Variants in SP140L observed in about 807,000 individuals in gnomAD.
SP140L encodes the protein SP140 like nuclear body protein, also known as nuclear body protein SP140-like protein.
In SP140L, 64 loss-of-function variants were observed where a neutral mutation model predicts 84.3. The ratio of observed to expected loss-of-function variants is 0.76; its 90% CI spans 0.62 to 0.94. The LOEUF (loss-of-function observed/expected upper bound fraction) is 0.94, where lower values mean the gene tolerates loss of function less well. Ranked by LOEUF, SP140L falls within the 40% of genes least tolerant of loss-of-function variation. The pLI is 0.00. For synonymous variants in SP140L, 242 were observed against 236.9 expected, an observed-to-expected ratio of 1.02 and a Z score of -0.20; for missense variants, 628 against 692.5, an observed-to-expected ratio of 0.91 and a Z score of 1.05.
intron 2 of SP140L, among the ~76,000 whole-genome samples, chr2:230,340,261 C>T: frequency 6.7e-6 from 1 of 149,438 alleles, no homozygotes. Flanking sequence ...TTCTTTGTCT[C>T]TTTTGATCTT....
chr2:230,382,274 G>A (rs758098168), intron 7 of SP140L, among the ~76,000 whole-genome samples: 4 of 151,564 alleles, frequency 2.6e-5, no homozygotes, highest in Non-Finnish European at 4.4e-5. Flanking sequence ...CATGCCTGGT[G>A]CGGAGAGGCT....
At chr2:230,333,905 C>T (rs12472663) in intron 2 of SP140L, among the ~76,000 whole-genome samples, 21,126 of 152,020 alleles carry the variant, frequency 0.14, 2,153 homozygotes, top group East Asian at 0.47. Context: ...AGTTGTTTCT[C>T]GTTTATAGCA....
intron 13 of SP140L, among the ~76,000 whole-genome samples, chr2:230,396,492 G>A (rs778703332): frequency 3.9e-5 from 6 of 152,220 alleles, no homozygotes; most frequent in Non-Finnish European, 8.8e-5. Flanking sequence ...GATTATCATG[G>A]AAAGATGCTA....
At chr2:230,392,368 G>A (rs955943073) in intron 12 of SP140L, 139 bp downstream of exon 12, 212 of 1,353,730 alleles carry the variant, frequency 1.6e-4, no homozygotes, top group Non-Finnish European at 2.0e-4. Flanking sequence ...ACTCAGGAGA[G>A]AGGGACCCCA....
intron 2 of SP140L, among the ~76,000 whole-genome samples, chr2:230,351,241 G>A (rs180960403): frequency 6.6e-6 from 1 of 152,324 alleles, no homozygotes; most frequent in African/African-American, 2.4e-5. Context: ...CACCAGCCAT[G>A]AGTGTCTGTT....
chr2:230,400,154 T>G lies in SP140L; in HGVS notation c.1225T>G (p.Cys409Gly). 1 of 1,614,180 alleles carries G rather than the reference T, an allele frequency of 6.2e-7. No individual in the cohort carries two copies. Among genetic ancestry groups the G allele is most frequent in the Admixed American group, 1.7e-5 (1 of 60,018 alleles). The change falls in exon 15 of 19, where the codon TGC (cysteine) becomes GGC (glycine). Residue 409 changes from cysteine (C) to glycine (G), a missense_variant. This residue lies in a region of SP140L where 525 missense variants were observed against 518.4 expected (regional missense o/e 1.01). Coordinates refer to ENST00000415673, the MANE Select transcript of SP140L (RefSeq NM_138402.6). The stretch of plus-strand genomic sequence containing the variant: ...GAGAAACTTGGATGAGTGTGAGGTG[T>G]GCCGGGACGGAGGGGAGCTGTTCTG... ...CMRNLDECEVCRDGGELFCCD... is the reference protein window; with the variant it reads ...CMRNLDECEVGRDGGELFCCD...
At chr2:230,381,107 G>C (rs1439611298) in intron 7 of SP140L, among the ~76,000 whole-genome samples, 2 of 149,596 alleles carry the variant, frequency 1.3e-5, no homozygotes, top group Non-Finnish European at 3.0e-5. Context: ...TGCAGTGGAG[G>C]AATGCTTCAC....
intron 5 of SP140L, among the ~76,000 whole-genome samples, chr2:230,365,629 T>G (rs1364055445): frequency 6.6e-6 from 1 of 152,036 alleles, no homozygotes; most frequent in African/African-American, 2.4e-5. Flanking sequence ...TTTATCTCAT[T>G]TATTTCTGAT....
At chr2:230,367,195 G>A (rs1330446433) in intron 5 of SP140L, among the ~76,000 whole-genome samples, 2 of 151,714 alleles carry the variant, frequency 1.3e-5, no homozygotes, top group Non-Finnish European at 2.9e-5. Context: ...GTTATAATAG[G>A]CTGTTTTAAG....
chr2:230,352,859 T>C (rs1303399408), intron 2 of SP140L, among the ~76,000 whole-genome samples: 1 of 151,854 alleles, frequency 6.6e-6, no homozygotes, highest in African/African-American at 2.4e-5. Context: ...CACACACATA[T>C]ATGTGTGTAT....
intron 7 of SP140L, among the ~76,000 whole-genome samples, chr2:230,378,793 C>A (rs980742058): frequency 6.6e-6 from 1 of 152,198 alleles, no homozygotes; most frequent in Non-Finnish European, 1.5e-5. Flanking sequence ...TCACTCCATG[C>A]ATATCTTTAT....
chr2:230,371,796 C>A, intron 7 of SP140L, 145 bp downstream of exon 7: 1 of 697,824 alleles, frequency 1.4e-6, no homozygotes, highest in Non-Finnish European at 2.5e-6. Flanking sequence ...AAAACGTCCA[C>A]CTCCTAATCC....
intron 7 of SP140L, among the ~76,000 whole-genome samples, chr2:230,376,570 T>C (rs1575505359): frequency 6.6e-6 from 1 of 151,962 alleles, no homozygotes; most frequent in Non-Finnish European, 1.5e-5. Flanking sequence ...ATGAAAGAAA[T>C]TGAAAAAGAT....
chr2:230,360,161 G>T (rs1165141982), intron 4 of SP140L, among the ~76,000 whole-genome samples: 1 of 152,148 alleles, frequency 6.6e-6, no homozygotes, highest in African/African-American at 2.4e-5. Flanking sequence ...AGAAAAACAG[G>T]GACATGCCCT....
intron 14 of SP140L, among the ~76,000 whole-genome samples, chr2:230,399,425 C>T (rs2062206797): frequency 2.6e-5 from 4 of 152,216 alleles, no homozygotes; most frequent in Admixed American, 2.0e-4. Flanking sequence ...ATCTTCAACA[C>T]TGTATGGTAC....
At chr2:230,364,219 G>T (rs886526599) in intron 5 of SP140L, among the ~76,000 whole-genome samples, 1 of 152,036 alleles carries the variant, frequency 6.6e-6, no homozygotes, top group Non-Finnish European at 1.5e-5. Context: ...ACTTTTATAT[G>T]ATTTGCGCTG....
At chr2:230,345,846 A>G (rs374183911) in intron 2 of SP140L, among the ~76,000 whole-genome samples, 9 of 152,254 alleles carry the variant, frequency 5.9e-5, no homozygotes, top group African/African-American at 1.9e-4. Flanking sequence ...CCAAATTACT[A>G]TAGTTATACT....
intron 2 of SP140L, among the ~76,000 whole-genome samples, chr2:230,343,838 T>A (rs2060133378): frequency 6.6e-6 from 1 of 152,206 alleles, no homozygotes; most frequent in Non-Finnish European, 1.5e-5. Context: ...TCCTTTTTTA[T>A]GGCTGCTTTC....
intron 7 of SP140L, among the ~76,000 whole-genome samples, chr2:230,378,804 A>G (rs1487833173): frequency 6.6e-6 from 1 of 152,238 alleles, no homozygotes; most frequent in Non-Finnish European, 1.5e-5. Context: ...ATATCTTTAT[A>G]AAGCAAAACT....
Sources: allele counts gnomAD v4.1 joint callset (sites outside exome capture counted in the v4.1 genomes callset), GRCh38; gene constraint gnomAD v4.1.1; regional missense constraint gnomAD v4.1.1; transcripts MANE v1.5; gene names NCBI Gene and HGNC (gene_info 2026-07-23, HGNC 2026-07-21).